TENM2: variants seen among roughly 807,000 people sequenced by gnomAD.
TENM2 encodes teneurin-2.
In TENM2, 52 loss-of-function variants were observed where a neutral mutation model predicts 245.2. That is an observed-to-expected ratio of 0.21 (90% CI 0.17 to 0.27). The LOEUF (loss-of-function observed/expected upper bound fraction) is 0.27, where lower values mean the gene tolerates loss of function less well. Ranked by LOEUF, TENM2 falls within the 10% of genes least tolerant of loss-of-function variation. The probability of loss-of-function intolerance (pLI) is 1.00; values close to 1 mark genes in which losing one functional copy is unlikely to be tolerated. For missense variants in TENM2, 3,046 were observed against 3,666.8 expected (o/e 0.83, Z 4.37); for synonymous variants, 1,363 against 1,438.9 (o/e 0.95, Z 1.19).
chr5:167,358,844 CA>C (rs1561891662), intron 1 of TENM2, among the ~76,000 whole-genome samples: 2 of 97,694 alleles, frequency 2.0e-5, no homozygotes, highest in South Asian at 3.1e-4. Flanking sequence ...CACACACACA[CA>C]CACACACCCT....
At position 167,348,036 on chromosome 5, in the gene TENM2, A is replaced by T. The variant is rs74557083; in HGVS notation, c.227-27162A>T. Among the ~76,000 whole-genome samples the T allele has an allele frequency of 6.0e-4, 92 of 152,318 alleles. 1 individual carries two copies. In the East Asian group the frequency reaches 0.017, roughly 28 times the overall value. On this transcript the variant is annotated intron_variant, in intron 1 of 28. Coordinates refer to ENST00000518659, the Ensembl canonical transcript of TENM2. ...CGCATCCAAAATTCTGCCAGCAGGC[A>T]AGGGAATGTTCCCATATGCCTTTTA... is the stretch of plus-strand genomic sequence containing the variant.
At chr5:167,422,697 T>C (rs1163072645) in intron 2 of TENM2, among the ~76,000 whole-genome samples, 2 of 152,034 alleles carry the variant, frequency 1.3e-5, no homozygotes, top group East Asian at 1.9e-4. Flanking sequence ...AAAAGAAAAA[T>C]GCAAAGTGGA....
At chr5:167,994,583 C>T (rs1783911833) in intron 5 of TENM2, among the ~76,000 whole-genome samples, 1 of 152,352 alleles carries the variant, frequency 6.6e-6, no homozygotes, top group African/African-American at 2.4e-5. Flanking sequence ...CACACTATAG[C>T]TGTTCTTGTC....
intron 4 of TENM2, among the ~76,000 whole-genome samples, chr5:167,966,361 G>A (rs1781386988): frequency 6.6e-6 from 1 of 152,194 alleles, no homozygotes; most frequent in African/African-American, 2.4e-5. Flanking sequence ...TGGGTGCCAT[G>A]GCTGACCCTT....
chr5:167,351,716 G>A (rs140480107), intron 1 of TENM2, among the ~76,000 whole-genome samples: 1 of 152,266 alleles, frequency 6.6e-6, no homozygotes, highest in Non-Finnish European at 1.5e-5. Flanking sequence ...GCCTAATAAT[G>A]AAGGGATGGT....
At chr5:167,842,282 AC>A (rs1474241810) in intron 2 of TENM2, among the ~76,000 whole-genome samples, 2 of 152,054 alleles carry the variant, frequency 1.3e-5, no homozygotes, top group East Asian at 1.9e-4. Flanking sequence ...AAACAAAAAA[AC>A]AAAACAAAAC....
At chr5:168,230,357 G>A (rs1764741948) in intron 25 of TENM2, among the ~76,000 whole-genome samples, 1 of 152,222 alleles carries the variant, frequency 6.6e-6, no homozygotes, top group Admixed American at 6.5e-5. Flanking sequence ...AGAAAGCCTG[G>A]AATTTATTTG....
chr5:167,029,720 G>C, the TENM2 span, among the ~76,000 whole-genome samples: 3 of 152,132 alleles, frequency 2.0e-5, no homozygotes, highest in Non-Finnish European at 4.4e-5. Flanking sequence ...TGTGTGCCAG[G>C]GGCCATGGTC....
At chr5:167,312,170 A>C (rs747015778) in intron 1 of TENM2, among the ~76,000 whole-genome samples, 1 of 152,232 alleles carries the variant, frequency 6.6e-6, no homozygotes, top group Non-Finnish European at 1.5e-5. Context: ...TATAAATCAC[A>C]TGTAACATAT....
chr5:167,626,593 T>A (rs760773380), intron 2 of TENM2, among the ~76,000 whole-genome samples: 1 of 152,124 alleles, frequency 6.6e-6, no homozygotes, highest in Non-Finnish European at 1.5e-5. Context: ...CAATCATGAG[T>A]TCTAGGGAAT....
intron 2 of TENM2, among the ~76,000 whole-genome samples, chr5:167,873,749 A>T (rs1377547496): frequency 6.6e-6 from 1 of 152,148 alleles, no homozygotes; most frequent in Non-Finnish European, 1.5e-5. Flanking sequence ...ACTGATTCTG[A>T]TCAAACTCCA....
Position 168,123,798 on chromosome 5 carries a change from G to A in TENM2, c.2009-1052G>A, listed in dbSNP as rs143125443. ...TAGACCACCATTTCTCATTCAAACCGTATATTACACAAAGAACCCTCTTCT... is the reference window on the plus strand; with the variant it reads ...TAGACCACCATTTCTCATTCAAACCATATATTACACAAAGAACCCTCTTCT... On this transcript the variant is annotated intron_variant, in intron 10 of 28. Coordinates refer to ENST00000518659, the Ensembl canonical transcript of TENM2. Among the ~76,000 whole-genome samples the A allele has an allele frequency of 1.7e-3, 260 of 152,260 alleles. 1 individual carries two copies. Among genetic ancestry groups the A allele is most frequent in the African/African-American group, 6.0e-3 (250 of 41,552 alleles).
At chr5:167,533,310 G>A (rs1771635605) in intron 2 of TENM2, among the ~76,000 whole-genome samples, 2 of 152,160 alleles carry the variant, frequency 1.3e-5, no homozygotes, top group Admixed American at 1.3e-4. Flanking sequence ...TCTGAACTTG[G>A]AGGTACCATG....
intron 12 of TENM2, among the ~76,000 whole-genome samples, chr5:168,132,990 A>T (rs775816955): frequency 1.3e-5 from 2 of 152,208 alleles, no homozygotes; most frequent in Non-Finnish European, 2.9e-5. Context: ...AGACTGGCTG[A>T]TGAAGGAGGA....
At position 168,226,115 on chromosome 5, in the gene TENM2, C is replaced by T. The variant is rs193093099; in HGVS notation, c.5136C>T (p.Asn1712=). Residue 1712 remains asparagine (N), a synonymous_variant, in exon 24 of 29, where the codon AAC becomes AAT. Transcript: ENST00000518659. ...ATGACCACGAAGGCCGCCTGACCAA[C>T]GTGACGCGCCCCACGGGGGTGGTAA... 497 of 1,613,672 alleles carry T rather than the reference C, an allele frequency of 3.1e-4. 1 individual carries two copies. The highest frequency in any genetic ancestry group is 3.0e-3 in the African/African-American group (224 of 75,032).
At chr5:167,573,635 G>A (rs1774435238) in intron 2 of TENM2, among the ~76,000 whole-genome samples, 1 of 151,216 alleles carries the variant, frequency 6.6e-6, no homozygotes, top group Non-Finnish European at 1.5e-5. Context: ...ACAATTCATT[G>A]ACTCTCCTCT....
At chr5:167,450,977 T>A (rs1765543208) in intron 2 of TENM2, among the ~76,000 whole-genome samples, 1 of 152,082 alleles carries the variant, frequency 6.6e-6, no homozygotes, top group African/African-American at 2.4e-5. Flanking sequence ...AGTCTCTTAT[T>A]TTTTTATCAT....
chr5:167,822,764 C>T lies in TENM2; in HGVS notation c.503-53222C>T, dbSNP rs1405109526. Among the ~76,000 whole-genome samples, 3 of 152,182 alleles carry T rather than the reference C, an allele frequency of 2.0e-5. No individual in the cohort carries two copies. The East Asian group carries it at 5.8e-4, about 30-fold the overall frequency. ...AAAACAACAACACATTAGGCATGCA[C>T]TACTAGTCTAGCTAATTGTAGGGGG... is the stretch of plus-strand genomic sequence containing the variant. On this transcript the variant is annotated intron_variant, in intron 2 of 28. Transcript: ENST00000518659.
At chr5:167,765,135 A>G (rs979912884) in intron 2 of TENM2, among the ~76,000 whole-genome samples, 1 of 152,202 alleles carries the variant, frequency 6.6e-6, no homozygotes, top group Non-Finnish European at 1.5e-5. Context: ...GGGTGTCACT[A>G]TGCTCACTGA....
Sources: gnomAD v4.1 joint callset for allele counts (sites outside exome capture counted in the v4.1 genomes callset) on GRCh38, gnomAD v4.1.1 for gene constraint, MANE v1.5 for transcripts, NCBI Gene and HGNC (gene_info 2026-07-23, HGNC 2026-07-21) for gene names.